The following ANKIB1 variants were observed in gnomAD, a reference collection of about 807,000 sequenced individuals.
The protein encoded by ANKIB1 is ankyrin repeat and IBR domain-containing protein 1.
ANKIB1 carries 43 observed loss-of-function variants against 122.1 expected under a neutral mutation model. That is an observed-to-expected ratio of 0.35 (90% CI 0.28 to 0.45). ANKIB1 has a LOEUF of 0.45. ANKIB1 is among the 20% of genes least tolerant of loss of function. The pLI is 1.00. For synonymous variants in ANKIB1, 390 were observed against 442.0 expected (o/e 0.88, Z 1.48); for missense variants, 992 against 1,329.5 (o/e 0.75, Z 3.95).
chr7:92,316,658 C>T (rs944409261), intron 3 of ANKIB1, among the ~76,000 whole-genome samples: 9 of 152,186 alleles, frequency 5.9e-5, no homozygotes, highest in African/African-American at 2.2e-4. Context: ...GTTTACCAAT[C>T]ATTCTCACCC....
In ANKIB1 at chr7:92,398,850, C is replaced by T; in HGVS notation, c.3171C>T (p.Asp1057=). 3 of 1,604,722 alleles carry T rather than the reference C, an allele frequency of 1.9e-6. No individual in the cohort carries two copies. Among genetic ancestry groups the T allele is most frequent in the Non-Finnish European group, 2.6e-6 (3 of 1,175,402 alleles). The part of the protein sequence containing the change: ...LAGEAASQAG[D]SGNEAANRGD... Reference sequence around the variant, plus strand: ...GGGAAGCAGCATCTCAAGCTGGTGACAGTGGTAACGAGGCAGCCAACAGAG... The same window carrying T: ...GGGAAGCAGCATCTCAAGCTGGTGATAGTGGTAACGAGGCAGCCAACAGAG... The change falls in exon 20 of 20, where the codon GAC becomes GAT. Residue 1057 remains aspartate, a synonymous_variant. Coordinates refer to ENST00000265742, the MANE Select transcript of ANKIB1 (RefSeq NM_019004.2).
At chr7:92,380,452 T>G (rs553452883) in intron 11 of ANKIB1, among the ~76,000 whole-genome samples, 197 of 152,260 alleles carry the variant, frequency 1.3e-3, no homozygotes, top group Non-Finnish European at 2.2e-3. Context: ...CTGACCCCCA[T>G]GTAGCCTAAC....
At chr7:92,379,578 C>T (rs756578547) in intron 11 of ANKIB1, among the ~76,000 whole-genome samples, 1 of 151,510 alleles carries the variant, frequency 6.6e-6, no homozygotes, top group South Asian at 2.1e-4. Flanking sequence ...GACAAAGATA[C>T]GTGGGAATCT....
chr7:92,327,385 T>C (rs1349182949), intron 4 of ANKIB1, among the ~76,000 whole-genome samples: 1 of 152,210 alleles, frequency 6.6e-6, no homozygotes, highest in Non-Finnish European at 1.5e-5. Flanking sequence ...CTCAGTATCC[T>C]TGGGGATTGG....
rs375032214 is a variant in ANKIB1 at position 92,388,058 on chromosome 7, A to G, written c.1906+17A>G. The G allele has an allele frequency of 2.6e-6, 4 of 1,544,880 alleles. No individual in the cohort carries two copies. The African/African-American group carries it at 4.1e-5, about 16-fold the overall frequency. ...TCAAAGAAAGTAAGTTATAAGTTGT[A>G]TGTGTGATAATTAATATAAAATATC... On this transcript the variant is annotated intron_variant, in intron 14 of 19. Transcript: ENST00000265742.
At chr7:92,383,713 A>C (rs528607408) in intron 11 of ANKIB1, among the ~76,000 whole-genome samples, 1 of 152,346 alleles carries the variant, frequency 6.6e-6, no homozygotes, top group African/African-American at 2.4e-5. Context: ...AAAGCTCTCA[A>C]TAGTCTAGGT....
chr7:92,324,755 A>G (rs1802989238), intron 4 of ANKIB1, among the ~76,000 whole-genome samples: 1 of 152,220 alleles, frequency 6.6e-6, no homozygotes, highest in African/African-American at 2.4e-5. Context: ...TGATCTGGAC[A>G]GTGTATATTT....
chr7:92,364,449 TC>T (rs1356887174), intron 10 of ANKIB1, among the ~76,000 whole-genome samples: 1 of 152,006 alleles, frequency 6.6e-6, no homozygotes, highest in Non-Finnish European at 1.5e-5. Context: ...GTGTTTGTCT[TC>T]CATAAATAGA....
intron 11 of ANKIB1, among the ~76,000 whole-genome samples, chr7:92,374,746 C>A: frequency 6.6e-6 from 1 of 151,194 alleles, no homozygotes; most frequent in Non-Finnish European, 1.5e-5. Context: ...TGAAGAAAAC[C>A]AGGAGAAAGG....
intron 4 of ANKIB1, among the ~76,000 whole-genome samples, chr7:92,323,520 C>G (rs903132043): frequency 6.6e-6 from 1 of 152,106 alleles, no homozygotes; most frequent in Admixed American, 6.6e-5. Context: ...ATACTATGAT[C>G]ACATGTCCCT....
At position 92,398,589 on chromosome 7, in the gene ANKIB1, C is replaced by T. The variant is rs1295942333; in HGVS notation, c.2910C>T (p.Leu970=). 1.2e-6 allele frequency: 2 copies of T among 1,613,966 alleles called. No individual in the cohort carries two copies. Among genetic ancestry groups the T allele is most frequent in the African/African-American group, 1.3e-5 (1 of 75,038 alleles). ...ACCCCAACATCAATGACAATCTTCT[C>T]GGCAACATCATGGCTTGGTTTCATG... ...GQDPNINDNL[L]GNIMAWFHDM... The change falls in exon 20 of 20, where the codon CTC becomes CTT. Residue 970 remains leucine, a synonymous_variant. Transcript: ENST00000265742.
In ANKIB1 at chr7:92,396,489, A is replaced by T. The variant is rs761901093; in HGVS notation, c.2395+13A>T. The stretch of plus-strand genomic sequence containing the variant: ...GAAAGCACTTTAGGTAAGTCCTTGC[A>T]TTGAGTATGGTTTAATCTCATAGCT... On this transcript the variant is annotated intron_variant, in intron 18 of 19. Transcript: ENST00000265742. 9.1e-6 allele frequency: 12 copies of T among 1,320,480 alleles called. No homozygotes were observed. The highest frequency in any genetic ancestry group is 2.1e-6 in the Non-Finnish European group (2 of 933,736). 81.8% of individuals were successfully genotyped at this position (1,320,480 alleles called of 1,614,324 possible). A position where few individuals can be genotyped will look rare whatever the true frequency, so the allele number is the denominator to read the frequency against.
At chr7:92,272,844 C>T (rs1035808320) in intron 1 of ANKIB1, among the ~76,000 whole-genome samples, 1 of 152,036 alleles carries the variant, frequency 6.6e-6, no homozygotes, top group Non-Finnish European at 1.5e-5. Flanking sequence ...GATGGTATAG[C>T]CTGCTATACA....
At chr7:92,253,012 A>G (rs375661889) in intron 1 of ANKIB1, among the ~76,000 whole-genome samples, 2 of 152,288 alleles carry the variant, frequency 1.3e-5, no homozygotes, top group South Asian at 4.1e-4. Context: ...AGCCGTCATA[A>G]AAGACAGAAT....
At chr7:92,269,052 A>G (rs1801731496) in intron 1 of ANKIB1, among the ~76,000 whole-genome samples, 2 of 152,190 alleles carry the variant, frequency 1.3e-5, no homozygotes, top group Non-Finnish European at 2.9e-5. Context: ...TTAATGTTTG[A>G]CTTTAAACAG....
At chr7:92,257,060 C>T (rs1801461978) in intron 1 of ANKIB1, among the ~76,000 whole-genome samples, 1 of 151,694 alleles carries the variant, frequency 6.6e-6, no homozygotes, top group African/African-American at 2.4e-5. Context: ...CATGGTGGTG[C>T]GTGCCTGTAA....
At chr7:92,292,471 T>C (rs534892456) in intron 1 of ANKIB1, among the ~76,000 whole-genome samples, 3 of 152,336 alleles carry the variant, frequency 2.0e-5, no homozygotes, top group Non-Finnish European at 1.5e-5. Flanking sequence ...AAATTATTTT[T>C]CTTATAGAAT....
intron 1 of ANKIB1, among the ~76,000 whole-genome samples, chr7:92,266,344 A>T (rs1777574601): frequency 6.6e-6 from 1 of 152,168 alleles, no homozygotes; most frequent in African/African-American, 2.4e-5. Flanking sequence ...CTATAACAGG[A>T]GATTACCTAC....
intron 1 of ANKIB1, among the ~76,000 whole-genome samples, chr7:92,270,880 A>G (rs1801774971): frequency 6.6e-6 from 1 of 151,812 alleles, no homozygotes; most frequent in Admixed American, 6.5e-5. Context: ...TGATTTGCAA[A>G]TATTTTCTCC....
Sources: gnomAD v4.1 joint callset for allele counts (sites outside exome capture counted in the v4.1 genomes callset) on GRCh38, gnomAD v4.1.1 for gene constraint, MANE v1.5 for transcripts, NCBI Gene and HGNC (gene_info 2026-07-23, HGNC 2026-07-21) for gene names.